Variants in TRAK1 observed in about 807,000 individuals in gnomAD.
TRAK1 encodes the protein trafficking kinesin protein 1.
Under a neutral mutation model 92.1 loss-of-function variants are expected in TRAK1, and 33 were observed. The observed-to-expected ratio is 0.36, with a 90% CI of 0.27 to 0.48. TRAK1 has a LOEUF of 0.48. Ranked by LOEUF, TRAK1 falls within the 20% of genes least tolerant of loss-of-function variation. The pLI is 0.99. For synonymous variants in TRAK1, 521 were observed against 517.3 expected, an observed-to-expected ratio of 1.01 and a Z score of -0.10; for missense variants, 1,123 against 1,257.9, an observed-to-expected ratio of 0.89 and a Z score of 1.62.
rs1269676405 is a variant in TRAK1, at chr3:42,194,104, G to A, written c.975+206G>A. Among the ~76,000 whole-genome samples the A allele has an allele frequency of 3.3e-5, 5 of 151,936 alleles. No homozygotes were observed. In the South Asian group the frequency reaches 1.0e-3, roughly 32 times the overall value. ...CTGGTTATGGGCACCTGTGTGGCAG[G>A]GCTCTACACCAGCTGAGCCTGGCAC... is the stretch of plus-strand genomic sequence containing the variant. On this transcript the variant is annotated intron_variant, in intron 9 of 15. Transcript: ENST00000327628.
At chr3:42,130,586 T>C (rs1291694480) in intron 2 of TRAK1, among the ~76,000 whole-genome samples, 11 of 152,144 alleles carry the variant, frequency 7.2e-5, no homozygotes, top group Admixed American at 7.2e-4. Context: ...AAACATCTCC[T>C]GGACTATTTA....
In TRAK1 at chr3:42,189,062, T is replaced by C. The variant is rs144666749; in HGVS notation, c.628T>C (p.Leu210=). The change falls in exon 6 of 16, where the codon TTG becomes CTG. Residue 210 remains leucine, a synonymous_variant. Transcript: ENST00000327628. The stretch of plus-strand genomic sequence containing the variant: ...CTCCTCAGTCCAGAATTACTTTCAT[T>C]TGGATTCTCTTCAAAAGAAGCTGAA... ...SSSSVQNYFH[L]DSLQKKLKDL... The C allele has an allele frequency of 2.4e-5, 38 of 1,614,174 alleles. No homozygotes were observed. The highest frequency in any genetic ancestry group is 3.3e-5 in the Admixed American group (2 of 60,024).
rs575772328 is a variant in TRAK1 at position 42,015,284 on chromosome 3, G to A, written c.-519+1167G>A. ...CTGGAAAGCTGAGCCCGGCTCTGGG[G>A]GATGCTGAATCGGTTTAAAGCCCTT... On this transcript the variant is annotated intron_variant, in intron 1 of 16. Transcript: ENST00000487159. Among the ~76,000 whole-genome samples the A allele has an allele frequency of 2.6e-5, 4 of 152,292 alleles. No individual in the cohort carries two copies. The South Asian group carries it at 8.3e-4, about 32-fold the overall frequency.
chr3:42,185,191 C>T (rs1704614465), intron 4 of TRAK1, among the ~76,000 whole-genome samples: 1 of 152,160 alleles, frequency 6.6e-6, no homozygotes, highest in African/African-American at 2.4e-5. Context: ...AGGCTAACAC[C>T]ACAACGAGCA....
Position 42,176,755 on chromosome 3 carries a change from T to C in TRAK1, c.287-59T>C, listed in dbSNP as rs1345688586. On this transcript the variant is annotated intron_variant, in intron 2 of 15. Coordinates refer to ENST00000327628, the MANE Select transcript of TRAK1 (RefSeq NM_001042646.3). ...CATTAGGGGCACTTTTTTAGATGAG[T>C]CATTTGTTTGGCAGGTTTGTGACAT... The C allele has an allele frequency of 8.6e-6, 13 of 1,514,540 alleles. No individual in the cohort carries two copies. In the East Asian group the frequency reaches 2.7e-4, roughly 32 times the overall value. 93.8% of individuals were successfully genotyped at this position (1,514,540 alleles called of 1,614,324 possible).
chr3:42,122,797 C>T (rs1055762267), intron 1 of TRAK1, among the ~76,000 whole-genome samples: 1 of 152,154 alleles, frequency 6.6e-6, no homozygotes, highest in Non-Finnish European at 1.5e-5. Context: ...TGGGGGAGGA[C>T]ATAGCTTCTG....
chr3:42,067,522 A>G (rs1350630079), intron 1 of TRAK1, among the ~76,000 whole-genome samples: 1 of 152,248 alleles, frequency 6.6e-6, no homozygotes, highest in East Asian at 1.9e-4. Context: ...TAATATGGAA[A>G]TAGAAATGAA....
intron 14 of TRAK1, among the ~76,000 whole-genome samples, chr3:42,214,460 G>C (rs547746821): frequency 2.0e-5 from 3 of 152,226 alleles, no homozygotes; most frequent in African/African-American, 7.2e-5. Flanking sequence ...GACTACAAAG[G>C]GATTTCTGCA....
chr3:42,112,028 G>A (rs887330240), intron 1 of TRAK1, among the ~76,000 whole-genome samples: 2 of 149,672 alleles, frequency 1.3e-5, no homozygotes, highest in African/African-American at 4.9e-5. Flanking sequence ...TGTCTTCTCT[G>A]GTCAAAAAGT....
At position 42,125,514 on chromosome 3, in the gene TRAK1, C is replaced by G. The variant is rs201869432; in HGVS notation, c.186C>G (p.Tyr62Ter). 1 of 1,614,106 alleles carries G rather than the reference C, an allele frequency of 6.2e-7. No individual in the cohort carries two copies. Among genetic ancestry groups the G allele is most frequent in the Non-Finnish European group, 8.5e-7 (1 of 1,180,036 alleles). ...PHYKLRADTI[Y>*]GYDHDDWLHT... ...ATAAGTTAAGAGCCGACACCATCTA[C>G]GGTTATGACCACGACGACTGGCTCC... Residue 62 changes from tyrosine (Y) to a stop codon, truncating the protein, a stop_gained, in exon 2 of 16, where the codon TAC becomes TAG. Transcript: ENST00000327628. LOFTEE classifies it high-confidence loss of function.
At chr3:42,036,621 G>A (rs1024845109) in intron 1 of TRAK1, among the ~76,000 whole-genome samples, 2 of 152,218 alleles carry the variant, frequency 1.3e-5, no homozygotes, top group Admixed American at 6.5e-5. Flanking sequence ...TGAGATAGCC[G>A]TGACTGTTCT....
intron 1 of TRAK1, among the ~76,000 whole-genome samples, chr3:42,092,928 T>TTGA (rs1389497165): frequency 2.0e-5 from 3 of 152,156 alleles, no homozygotes; most frequent in African/African-American, 7.2e-5. Flanking sequence ...GCCATAAAAC[T>TTGA]TGATGTCTTA....
At chr3:42,173,975 G>C (rs1054826753) in intron 2 of TRAK1, among the ~76,000 whole-genome samples, 5 of 152,114 alleles carry the variant, frequency 3.3e-5, no homozygotes, top group African/African-American at 1.2e-4. Flanking sequence ...GTTTTCTGTT[G>C]TAAAATGGTG....
chr3:42,218,711 A>G, intron 14 of TRAK1: 2 of 985,358 alleles, frequency 2.0e-6, no homozygotes, highest in South Asian at 4.7e-5. Context: ...TTAGAACATT[A>G]AAAGGAAGTA....
At chr3:42,083,495 G>A (rs1211252363), upstream of TRAK1, among the ~76,000 whole-genome samples, 1 of 152,136 alleles carries the variant, frequency 6.6e-6, no homozygotes, top group Non-Finnish European at 1.5e-5. Flanking sequence ...GGGTCTTTGA[G>A]TTTCTAAATA....
At chr3:42,132,023 C>T (rs577690891) in intron 2 of TRAK1, among the ~76,000 whole-genome samples, 8 of 148,560 alleles carry the variant, frequency 5.4e-5, no homozygotes, top group African/African-American at 2.0e-4. Context: ...GAGCCAAGAT[C>T]GTGCCACTGC....
upstream of TRAK1, among the ~76,000 whole-genome samples, chr3:42,088,369 G>A (rs1704796648): frequency 6.6e-6 from 1 of 151,962 alleles, no homozygotes; most frequent in Admixed American, 6.6e-5. Context: ...TTTGTTAAGT[G>A]GCCCACATGT....
At chr3:42,076,473 G>A (rs923216915) in intron 1 of TRAK1, among the ~76,000 whole-genome samples, 4 of 151,974 alleles carry the variant, frequency 2.6e-5, no homozygotes, top group East Asian at 1.9e-4. Flanking sequence ...TGATCCACCC[G>A]CCTCGGCTTC....
At chr3:42,219,211 C>A (rs1710061172) in intron 14 of TRAK1, 1 of 985,176 alleles carries the variant, frequency 1.0e-6, no homozygotes, top group East Asian at 1.1e-4. Flanking sequence ...CGCCTCCCAC[C>A]CCCAGACTGG....
Sources: allele counts gnomAD v4.1 joint callset (sites outside exome capture counted in the v4.1 genomes callset), GRCh38; gene constraint gnomAD v4.1.1; transcripts MANE v1.5; gene names NCBI Gene and HGNC (gene_info 2026-07-23, HGNC 2026-07-21).